Variants in KLHL18 observed in about 807,000 individuals in gnomAD.
KLHL18 encodes the protein kelch like family member 18.
A neutral mutation model predicts 58.5 loss-of-function variants in KLHL18; 38 were observed. The observed-to-expected ratio is 0.65, with a 90% confidence interval of 0.50 to 0.85. KLHL18 has a LOEUF of 0.85. Ranked by LOEUF, KLHL18 falls within the 40% of genes least tolerant of loss-of-function variation. The pLI is 0.00. For missense variants in KLHL18, 624 were observed against 778.4 expected (o/e 0.80, Z 2.36); for synonymous variants, 303 against 301.9 (o/e 1.00, Z -0.04).
chr3:47,285,184 C>T (rs1488725910), intron 1 of KLHL18, among the ~76,000 whole-genome samples: 1 of 151,940 alleles, frequency 6.6e-6, no homozygotes, highest in Admixed American at 6.6e-5. Context: ...TCTGAGAAGG[C>T]GTGAGATCTT....
chr3:47,319,738 T>TG lies in KLHL18; in HGVS notation c.217dup (p.Glu73GlyfsTer6). The TG allele has an allele frequency of 6.2e-7, 1 of 1,613,996 alleles. No homozygotes were observed. Among genetic ancestry groups the TG allele is most frequent in the Non-Finnish European group, 8.5e-7 (1 of 1,179,904 alleles). ...CATGCTATGTTTACAAATGACATGA[T>TG]GGAGTGCAAGCAGGATGAGATTGTA... On this transcript the variant is annotated frameshift_variant, in exon 2 of 10. Coordinates refer to ENST00000232766, the MANE Select transcript of KLHL18 (RefSeq NM_025010.5). LOFTEE classifies it high-confidence loss of function.
At chr3:47,284,272 CAAAT>C in intron 1 of KLHL18, among the ~76,000 whole-genome samples, 1 of 151,318 alleles carries the variant, frequency 6.6e-6, no homozygotes, top group Admixed American at 6.6e-5. Flanking sequence ...CACACACACA[CAAAT>C]AAATAAATAA....
At chr3:47,315,269 C>T (rs1433186786) in intron 1 of KLHL18, among the ~76,000 whole-genome samples, 1 of 152,122 alleles carries the variant, frequency 6.6e-6, no homozygotes, top group Non-Finnish European at 1.5e-5. Context: ...ACACCAAATA[C>T]TGAAAACAGG....
intron 3 of KLHL18, among the ~76,000 whole-genome samples, chr3:47,327,869 T>A (rs1399907897): frequency 6.6e-6 from 1 of 152,218 alleles, no homozygotes; most frequent in Non-Finnish European, 1.5e-5. Flanking sequence ...TATAACCCTG[T>A]GCCTAAAACC....
chr3:47,296,211 T>C (rs295443), intron 1 of KLHL18, among the ~76,000 whole-genome samples: 145,785 of 152,270 alleles, frequency 0.96, 70,132 homozygotes, highest in East Asian at 1. Context: ...CTCCCCTTAC[T>C]GGTCTGAGCA....
chr3:47,306,748 T>C (rs868005446), intron 1 of KLHL18, among the ~76,000 whole-genome samples: 2 of 152,216 alleles, frequency 1.3e-5, no homozygotes, highest in Non-Finnish European at 2.9e-5. Flanking sequence ...TTACATACAT[T>C]CTAGCAGTGC....
At chr3:47,315,386 G>A (rs943693555) in intron 1 of KLHL18, among the ~76,000 whole-genome samples, 1 of 152,152 alleles carries the variant, frequency 6.6e-6, no homozygotes, top group Admixed American at 6.6e-5. Context: ...CAGAGGCTCC[G>A]AATCAGGCAC....
chr3:47,343,542 C>T lies in KLHL18; in HGVS notation c.1339-13C>T, dbSNP rs1040614859. ...CTGACTGTCCTGTACCTGTGCCTCT[C>T]TCCCCACTGCAGGTGGAACACTACA... On this transcript the variant is annotated splice_polypyrimidine_tract_variant and intron_variant, in intron 9 of 9. Transcript: ENST00000232766. The T allele has an allele frequency of 1.9e-6, 3 of 1,612,604 alleles. No homozygotes were observed. The highest frequency in any genetic ancestry group is 1.3e-5 in the African/African-American group (1 of 74,910).
chr3:47,301,887 C>T (rs1008831818), intron 1 of KLHL18, among the ~76,000 whole-genome samples: 6 of 152,138 alleles, frequency 3.9e-5, no homozygotes, highest in African/African-American at 1.4e-4. Context: ...CTTCGACCTC[C>T]CAGGCTCAAG....
At chr3:47,309,683 A>C (rs1431752962) in intron 1 of KLHL18, among the ~76,000 whole-genome samples, 1 of 151,538 alleles carries the variant, frequency 6.6e-6, no homozygotes, top group Middle Eastern at 3.4e-3. Flanking sequence ...AGCCGAGATC[A>C]CGCCACTGCA....
intron 1 of KLHL18, among the ~76,000 whole-genome samples, chr3:47,312,149 A>G (rs1703316620): frequency 6.6e-6 from 1 of 152,218 alleles, no homozygotes; most frequent in African/African-American, 2.4e-5. Flanking sequence ...CAGTGGTAGT[A>G]TGGGCAGGGG....
At chr3:47,336,114 A>T (rs1703978316) in intron 6 of KLHL18, among the ~76,000 whole-genome samples, 1 of 152,148 alleles carries the variant, frequency 6.6e-6, no homozygotes, top group Non-Finnish European at 1.5e-5. Flanking sequence ...ATCCATAAAG[A>T]TTATCTCCAT....
At chr3:47,309,727 C>T (rs939694356) in intron 1 of KLHL18, among the ~76,000 whole-genome samples, 5 of 152,338 alleles carry the variant, frequency 3.3e-5, no homozygotes, top group African/African-American at 1.2e-4. Context: ...ACTGAGTGAA[C>T]GAGACTCCAT....
At chr3:47,305,897 T>A (rs1420625177) in intron 1 of KLHL18, among the ~76,000 whole-genome samples, 3 of 152,186 alleles carry the variant, frequency 2.0e-5, no homozygotes, top group Non-Finnish European at 2.9e-5. Flanking sequence ...CATAGTATTC[T>A]CCTGTTATCA....
intron 2 of KLHL18, 87 bp from the exon 3 acceptor site, chr3:47,322,481 G>T (rs17410853): frequency 0.35 from 462,436 of 1,313,914 alleles, 83,181 homozygotes; most frequent in Middle Eastern, 0.43. Flanking sequence ...CCTGGGCTAA[G>T]TAATGTCAGT....
chr3:47,295,029 T>C (rs1702868707), intron 1 of KLHL18, among the ~76,000 whole-genome samples: 1 of 152,158 alleles, frequency 6.6e-6, no homozygotes, highest in Non-Finnish European at 1.5e-5. Context: ...CTCTACCTCA[T>C]GTTTGAGAAA....
intron 1 of KLHL18, among the ~76,000 whole-genome samples, chr3:47,286,674 C>T (rs1408649436): frequency 6.6e-6 from 1 of 152,166 alleles, no homozygotes; most frequent in Admixed American, 6.5e-5. Flanking sequence ...AGTCTGGGAC[C>T]ACGTTCTGAG....
Position 47,322,602 on chromosome 3 carries a change from G to A in KLHL18, c.295G>A (p.Gly99Ser). ...GGCTCTGATCAACTTTGCCTACAAC[G>A]GCAACCTTGCCATTGACCAGCAAAA... ...LEALINFAYN[G>S]NLAIDQQNVQ... The change falls in exon 3 of 10, where the codon GGC (glycine) becomes AGC (serine). Residue 99 changes from glycine to serine, a missense_variant. Transcript: ENST00000232766. 1.2e-6 allele frequency: 2 copies of A among 1,606,356 alleles called. No homozygotes were observed. Among genetic ancestry groups the A allele is most frequent in the Non-Finnish European group, 1.7e-6 (2 of 1,176,892 alleles).
At chr3:47,314,950 A>G (rs1419055507) in intron 1 of KLHL18, among the ~76,000 whole-genome samples, 1 of 151,806 alleles carries the variant, frequency 6.6e-6, no homozygotes, top group Non-Finnish European at 1.5e-5. Flanking sequence ...AAACCAGGTC[A>G]CTCTGTTGGT....
Sources: allele counts gnomAD v4.1 joint callset (sites outside exome capture counted in the v4.1 genomes callset), GRCh38; gene constraint gnomAD v4.1.1; transcripts MANE v1.5; gene names NCBI Gene and HGNC (gene_info 2026-07-23, HGNC 2026-07-21).